USP14: variants seen among roughly 807,000 people sequenced by gnomAD.
The protein encoded by USP14 is ubiquitin carboxyl-terminal hydrolase 14.
A neutral mutation model predicts 76.5 loss-of-function variants in USP14; 38 were observed. The observed-to-expected ratio is 0.50, with a 90% CI of 0.38 to 0.65. The LOEUF (loss-of-function observed/expected upper bound fraction) is 0.65, where lower values mean the gene tolerates loss of function less well. USP14 is among the 30% of genes least tolerant of loss of function. The pLI, the probability that USP14 is intolerant of heterozygous loss-of-function variation, is 0.00. For missense variants in USP14, 467 were observed against 586.5 expected (o/e 0.80, Z 2.10); for synonymous variants, 192 against 191.7 (o/e 1.00, Z -0.01).
chr18:192,884 G>C lies in USP14; in HGVS notation c.447G>C (p.Ala149=). 1 of 1,613,758 alleles carries C rather than the reference G, an allele frequency of 6.2e-7. No individual in the cohort carries two copies. The highest frequency in any genetic ancestry group is 8.5e-7 in the Non-Finnish European group (1 of 1,179,826). Residue 149 remains alanine (A), a synonymous_variant, in exon 6 of 16, where the codon GCG becomes GCC. Transcript: ENST00000261601. ...GAGCTTCAGGGGAAATGGCTTCAGC[G>C]CAGTATATTACTGCAGGTTTGTATA... ...ALRASGEMAS[A]QYITAALRDL... is the part of the protein sequence containing the mutation.
At position 213,032 on chromosome 18, in the gene USP14, CTT is replaced by C. The variant is rs1431947963; in HGVS notation, c.*1750_*1751del. The stretch of plus-strand genomic sequence containing the variant: ...TTTGTAAATAGCTTCCTCACCTAAA[CTT>C]TGACTTGGCAATCAATACTTTCTAC... On this transcript the variant is annotated 3_prime_UTR_variant, in exon 16 of 16. Coordinates refer to ENST00000261601, the MANE Select transcript of USP14 (RefSeq NM_005151.4). 1.3e-5 allele frequency: 2 copies of C among 152,220 alleles called. No homozygotes were observed. The highest frequency in any genetic ancestry group is 6.5e-5 in the Admixed American group (1 of 15,286). 9.4% of individuals were successfully genotyped at this position (152,220 alleles called of 1,614,324 possible).
chr18:183,368 G>T (rs990164040), intron 5 of USP14, among the ~76,000 whole-genome samples: 2 of 151,376 alleles, frequency 1.3e-5, no homozygotes, highest in Non-Finnish European at 2.9e-5. Context: ...GAGACTGTGG[G>T]TTTTATTTAT....
intron 15 of USP14, among the ~76,000 whole-genome samples, chr18:210,890 A>G (rs984865999): frequency 6.6e-6 from 1 of 152,132 alleles, no homozygotes; most frequent in African/African-American, 2.4e-5. Flanking sequence ...TCCAGAGTAC[A>G]CTTGAGAGAA....
At chr18:196,993 C>A (rs34496489) in intron 7 of USP14, among the ~76,000 whole-genome samples, 18,564 of 152,130 alleles carry the variant, frequency 0.12, 1,747 homozygotes, top group East Asian at 0.31. Context: ...TTTAAAATGA[C>A]GATAGGATTA....
chr18:199,883 C>G (rs1206709326), intron 10 of USP14, among the ~76,000 whole-genome samples: 2 of 152,186 alleles, frequency 1.3e-5, no homozygotes, highest in African/African-American at 4.8e-5. Context: ...GTTCAGTATT[C>G]ATTGATTCAG....
intron 7 of USP14, among the ~76,000 whole-genome samples, chr18:197,041 A>G (rs1910256754): frequency 1.3e-5 from 2 of 152,198 alleles, no homozygotes; most frequent in African/African-American, 4.8e-5. Context: ...GTGATTTTCT[A>G]CCGCAGTCCT....
intron 3 of USP14, among the ~76,000 whole-genome samples, chr18:168,651 T>G (rs1031255088): frequency 4.6e-5 from 7 of 151,924 alleles, no homozygotes; most frequent in African/African-American, 1.7e-4. Flanking sequence ...GCCAGGCTGG[T>G]CTCGAACTCC....
At chr18:171,063 A>C (rs1365923778) in intron 3 of USP14, among the ~76,000 whole-genome samples, 3 of 125,926 alleles carry the variant, frequency 2.4e-5, no homozygotes, top group African/African-American at 8.8e-5. Context: ...TATAAACTGA[A>C]GCTAGCAGAA....
At chr18:175,673 ATTC>A (rs1331628613) in intron 3 of USP14, among the ~76,000 whole-genome samples, 1 of 151,966 alleles carries the variant, frequency 6.6e-6, no homozygotes, top group Non-Finnish European at 1.5e-5. Flanking sequence ...GTTTTCTTGT[ATTC>A]TTTTTTATCT....
chr18:162,612 T>C (rs1372977234), intron 1 of USP14, among the ~76,000 whole-genome samples: 1 of 152,138 alleles, frequency 6.6e-6, no homozygotes, highest in Non-Finnish European at 1.5e-5. Flanking sequence ...TCTCTCTCTC[T>C]CTTCTTTTCC....
chr18:166,565 G>T (rs1045778653), intron 2 of USP14, among the ~76,000 whole-genome samples: 1 of 152,030 alleles, frequency 6.6e-6, no homozygotes, highest in Non-Finnish European at 1.5e-5. Flanking sequence ...ACTCCTGACC[G>T]CAGGTGATTT....
At chr18:169,180 C>G (rs1374275992) in intron 3 of USP14, among the ~76,000 whole-genome samples, 1 of 151,360 alleles carries the variant, frequency 6.6e-6, no homozygotes, top group Non-Finnish European at 1.5e-5. Context: ...CACTTAAGGT[C>G]AGGAGTTCGA....
intron 10 of USP14, among the ~76,000 whole-genome samples, chr18:201,653 C>T (rs1910387873): frequency 6.6e-6 from 1 of 152,168 alleles, no homozygotes; most frequent in Non-Finnish European, 1.5e-5. Flanking sequence ...GTGCAAGTTT[C>T]AGGATATACC....
intron 5 of USP14, among the ~76,000 whole-genome samples, chr18:185,299 C>G (rs887136515): frequency 6.6e-6 from 1 of 152,174 alleles, no homozygotes; most frequent in Admixed American, 6.5e-5. Flanking sequence ...GCTGGAATTA[C>G]AGGTGTGTGC....
At chr18:200,449 G>A (rs1176832244) in intron 10 of USP14, among the ~76,000 whole-genome samples, 3 of 152,200 alleles carry the variant, frequency 2.0e-5, no homozygotes, top group Non-Finnish European at 4.4e-5. Context: ...TTCTGCCATT[G>A]CACTGTCTTG....
intron 9 of USP14, among the ~76,000 whole-genome samples, chr18:198,675 T>C (rs932572506): frequency 6.6e-6 from 1 of 152,166 alleles, no homozygotes; most frequent in African/African-American, 2.4e-5. Context: ...TTATTATTTT[T>C]TCCTAAGAAC....
intron 13 of USP14, 100 bp downstream of exon 13, chr18:204,792 G>T: frequency 7.2e-7 from 1 of 1,382,156 alleles, no homozygotes; most frequent in East Asian, 2.4e-5. Context: ...TTTTCCTTCA[G>T]AACTATACTT....
intron 6 of USP14, 39 bp downstream of exon 6, chr18:192,939 GACATTCT>G: frequency 6.5e-7 from 1 of 1,545,764 alleles, no homozygotes; most frequent in Non-Finnish European, 8.8e-7. Context: ...ATAGGAGTAA[GACATTCT>G]ATTTTTCGCT....
intron 5 of USP14, among the ~76,000 whole-genome samples, chr18:185,151 TTTC>T (rs972877003): frequency 6.6e-6 from 1 of 151,988 alleles, no homozygotes; most frequent in African/African-American, 2.4e-5. Context: ...TCATTTTTTT[TTTC>T]TTATTTTTTA....
Sources: gnomAD v4.1 joint callset for allele counts (sites outside exome capture counted in the v4.1 genomes callset) on GRCh38, gnomAD v4.1.1 for gene constraint, MANE v1.5 for transcripts, NCBI Gene and HGNC (gene_info 2026-07-23, HGNC 2026-07-21) for gene names.